SHLD1: variants seen among roughly 807,000 people sequenced by gnomAD.
SHLD1 encodes RINN1-REV7-interacting novel NHEJ regulator 3.
Under a neutral mutation model 5.5 loss-of-function variants are expected in SHLD1, and 3 were observed. That is an observed-to-expected ratio of 0.54 (90% CI 0.25 to 1.40). The LOEUF (loss-of-function observed/expected upper bound fraction) is 1.40, where lower values mean the gene tolerates loss of function less well. Ranked by LOEUF, SHLD1 falls within the 40% of genes most tolerant of loss-of-function variation. The probability of loss-of-function intolerance (pLI) is 0.15; values close to 1 mark genes in which losing one functional copy is unlikely to be tolerated. For synonymous variants in SHLD1, 92 were observed against 94.3 expected (o/e 0.98, Z 0.14); for missense variants, 210 against 244.4 (o/e 0.86, Z 0.94).
At position 5,792,577 on chromosome 20, in the gene SHLD1, G is replaced by A. The variant is rs932246246; in HGVS notation, c.178+19534G>A. On this transcript the variant is annotated intron_variant, in intron 2 of 2. Transcript: ENST00000303142. Reference sequence around the variant, plus strand: ...TGGGATTACACGTGTGTGCCACCACGCCTGGCTAATTTTTGAATTTTTAGT... The same window carrying A: ...TGGGATTACACGTGTGTGCCACCACACCTGGCTAATTTTTGAATTTTTAGT... Among the ~76,000 whole-genome samples the A allele has an allele frequency of 1.2e-4, 18 of 151,824 alleles. No homozygotes were observed. The South Asian group carries it at 1.5e-3, about 12-fold the overall frequency.
chr20:5,844,840 G>A (rs1404154684), intron 2 of SHLD1, among the ~76,000 whole-genome samples: 1 of 140,068 alleles, frequency 7.1e-6, no homozygotes. Context: ...TGTCGCCTAG[G>A]CTGGAGTGTA....
intron 2 of SHLD1, among the ~76,000 whole-genome samples, chr20:5,833,550 G>A (rs569291132): frequency 3.9e-5 from 6 of 152,066 alleles, no homozygotes; most frequent in African/African-American, 1.2e-4. Context: ...GCTTGATTAT[G>A]TTGCTATAAA....
chr20:5,840,946 C>G (rs1162409271), intron 2 of SHLD1, among the ~76,000 whole-genome samples: 1 of 151,738 alleles, frequency 6.6e-6, no homozygotes, highest in Non-Finnish European at 1.5e-5. Flanking sequence ...CTTGTTCTGG[C>G]CTTAGTCAAT....
At chr20:5,759,566 C>T (rs899170671) in intron 1 of SHLD1, among the ~76,000 whole-genome samples, 1 of 152,094 alleles carries the variant, frequency 6.6e-6, no homozygotes, top group African/African-American at 2.4e-5. Flanking sequence ...CAGGGTCTAG[C>T]TCTGCTGCTC....
rs975007918 is a variant in SHLD1 at position 5,806,107 on chromosome 20, C to T, written c.178+33064C>T. Among the ~76,000 whole-genome samples the T allele has an allele frequency of 1.3e-5, 2 of 152,190 alleles. No homozygotes were observed. The highest frequency in any genetic ancestry group is 2.9e-5 in the Non-Finnish European group (2 of 68,044). On this transcript the variant is annotated intron_variant, in intron 2 of 2. Transcript: ENST00000303142. This position sits in a 1 kb window ranked among gnomAD's most constrained non-coding sequence, Gnocchi z 7.6. The stretch of plus-strand genomic sequence containing the variant: ...TTAGAACTCCTGGGTTCAAGTGATT[C>T]TCCTGCGTCAGCCTCCCAAAATGTT...
At chr20:5,832,825 AAATAAATAAATAAATAAATAAATG>A (rs1480591171) in intron 2 of SHLD1, among the ~76,000 whole-genome samples, 2 of 151,620 alleles carry the variant, frequency 1.3e-5, no homozygotes, top group African/African-American at 4.8e-5. Flanking sequence ...ATAAATAAAT[AAATAAATAAATAAATAAATAAATG>A]GGGAAAAAAG....
rs147889473 is a variant in SHLD1 at position 5,751,556 on chromosome 20, C to T, written c.-5+1077C>T. Among the ~76,000 whole-genome samples the T allele has an allele frequency of 8.9e-4, 135 of 152,276 alleles. No individual in the cohort carries two copies. In the East Asian group the frequency reaches 0.017, roughly 20 times the overall value. ...TCCTCAGCTCTTGATCAACCTGCCT[C>T]AGCCTCTCAAAGTGCTGAGATTACA... On this transcript the variant is annotated intron_variant, in intron 1 of 2. Coordinates refer to ENST00000303142, the MANE Select transcript of SHLD1 (RefSeq NM_152504.4).
In SHLD1 at chr20:5,756,398, G is replaced by A. The variant is rs372628016; in HGVS notation, c.-5+5919G>A. Among the ~76,000 whole-genome samples, 197 of 152,140 alleles carry A rather than the reference G, an allele frequency of 1.3e-3. 4 individuals are homozygous for A. In the South Asian group the frequency reaches 0.039, roughly 30 times the overall value. On this transcript the variant is annotated intron_variant, in intron 1 of 2. Coordinates refer to ENST00000303142, the MANE Select transcript of SHLD1 (RefSeq NM_152504.4). The stretch of plus-strand genomic sequence containing the variant: ...TAAAATATTAAGTCTTTTGATCCAC[G>A]AACATGGGATAGCTTTCCATTCCTT...
At chr20:5,783,751 T>C (rs1284862210) in intron 2 of SHLD1, among the ~76,000 whole-genome samples, 1 of 152,028 alleles carries the variant, frequency 6.6e-6, no homozygotes, top group African/African-American at 2.4e-5. Flanking sequence ...AACTACAAGT[T>C]TGAGATTGAG....
chr20:5,758,319 A>AGGGAG (rs1464683175), intron 1 of SHLD1, among the ~76,000 whole-genome samples: 2 of 52,316 alleles, frequency 3.8e-5, no homozygotes, highest in African/African-American at 1.6e-4. Context: ...AGGGAAGGGA[A>AGGGAG]GGGAGGGGAG....
At chr20:5,839,489 AT>A (rs2087830287) in intron 2 of SHLD1, among the ~76,000 whole-genome samples, 1 of 94,368 alleles carries the variant, frequency 1.1e-5, no homozygotes, top group Non-Finnish European at 2.1e-5. Flanking sequence ...AGATAGAAAG[AT>A]AGATAGATAG....
At chr20:5,801,140 C>T (rs6085279) in intron 2 of SHLD1, among the ~76,000 whole-genome samples, 83,098 of 149,620 alleles carry the variant, frequency 0.56, 23,741 homozygotes, top group East Asian at 0.78. Flanking sequence ...TGCAGTGGTG[C>T]GATCTTGGCT....
At chr20:5,846,848 G>T (rs532658379) in intron 2 of SHLD1, among the ~76,000 whole-genome samples, 37 of 152,290 alleles carry the variant, frequency 2.4e-4, no homozygotes, top group Non-Finnish European at 4.1e-4. Context: ...CCTTTAACTT[G>T]GTTATTTCTT....
intron 2 of SHLD1, among the ~76,000 whole-genome samples, chr20:5,846,638 T>A (rs751334295): frequency 1.8e-4 from 28 of 152,220 alleles, no homozygotes; most frequent in Non-Finnish European, 2.6e-4. Context: ...AGCTCCTGGC[T>A]CCAAATGGCT....
chr20:5,827,192 G>T (rs1316951551), intron 2 of SHLD1, among the ~76,000 whole-genome samples: 1 of 152,204 alleles, frequency 6.6e-6, no homozygotes, highest in Non-Finnish European at 1.5e-5. Context: ...GCGTGTGCTC[G>T]CAGCAGCTGT....
rs1182594498 is a variant in SHLD1 at position 5,855,282 on chromosome 20, G to A, written c.179-7742G>A. On this transcript the variant is annotated intron_variant, in intron 2 of 2. Transcript: ENST00000303142. This position sits in a 1 kb window ranked among gnomAD's most constrained non-coding sequence, Gnocchi z 4.4. Reference sequence around the variant, plus strand: ...TTTCACTTAGCATAATGTCCTCAGGGTTCGTTCATGTTGTAGCGTGTGTCA... The same window carrying A: ...TTTCACTTAGCATAATGTCCTCAGGATTCGTTCATGTTGTAGCGTGTGTCA... 6.6e-6 allele frequency among the ~76,000 whole-genome samples: 1 copy of A among 152,094 alleles called. No homozygotes were observed. Among genetic ancestry groups the A allele is most frequent in the Non-Finnish European group, 1.5e-5 (1 of 68,004 alleles).
intron 2 of SHLD1, among the ~76,000 whole-genome samples, chr20:5,814,654 CTTTTTT>C (rs148119460): frequency 9.6e-6 from 1 of 103,810 alleles, no homozygotes; most frequent in Non-Finnish European, 1.9e-5. Context: ...TTTTCTTCTT[CTTTTTT>C]TTTTTTTTTT....
intron 2 of SHLD1, among the ~76,000 whole-genome samples, chr20:5,839,585 A>T (rs112010312): frequency 6.6e-6 from 1 of 152,222 alleles, no homozygotes; most frequent in Non-Finnish European, 1.5e-5. Flanking sequence ...GTGTGGAAGT[A>T]CATGTTCAGA....
In SHLD1 at chr20:5,784,693, G is replaced by A. The variant is rs11905335; in HGVS notation, c.178+11650G>A. ...TCTCGATCGCCTGACCTTGTGATCC[G>A]CCCGCCTCAGCCTCCCAAAGTGCTG... On this transcript the variant is annotated intron_variant, in intron 2 of 2. Coordinates refer to ENST00000303142, the MANE Select transcript of SHLD1 (RefSeq NM_152504.4). Among the ~76,000 whole-genome samples, 1,028 of 151,906 alleles carry A rather than the reference G, an allele frequency of 6.8e-3. 11 individuals are homozygous for A. The highest frequency in any genetic ancestry group is 0.023 in the African/African-American group (950 of 41,416).
Sources: allele counts gnomAD v4.1 joint callset (sites outside exome capture counted in the v4.1 genomes callset), GRCh38; gene constraint gnomAD v4.1.1; non-coding constraint Gnocchi (gnomAD v3.1); transcripts MANE v1.5; gene names NCBI Gene and HGNC (gene_info 2026-07-23, HGNC 2026-07-21).